Variants in PIK3R4 observed in about 807,000 individuals in gnomAD.
The protein encoded by PIK3R4 is phosphoinositide-3-kinase regulatory subunit 4.
A neutral mutation model predicts 136.5 loss-of-function variants in PIK3R4; 46 were observed. That is an observed-to-expected ratio of 0.34 (90% confidence interval 0.27 to 0.43). The LOEUF (loss-of-function observed/expected upper bound fraction) is 0.43. PIK3R4 is among the 20% of genes least tolerant of loss of function. The probability of loss-of-function intolerance (pLI) is 1.00; values close to 1 mark genes in which losing one functional copy is unlikely to be tolerated. For synonymous variants in PIK3R4, 557 were observed against 566.7 expected, an observed-to-expected ratio of 0.98 and a Z score of 0.24; for missense variants, 1,331 against 1,649.5, an observed-to-expected ratio of 0.81 and a Z score of 3.35.
At chr3:130,714,738 G>A (rs1042006142) in intron 9 of PIK3R4, among the ~76,000 whole-genome samples, 1 of 151,972 alleles carries the variant, frequency 6.6e-6, no homozygotes, top group Admixed American at 6.6e-5. Context: ...TGAGGATGAT[G>A]GCTTCCAGTT....
chr3:130,719,131 G>T (rs957356095), intron 7 of PIK3R4, among the ~76,000 whole-genome samples: 10 of 152,204 alleles, frequency 6.6e-5, no homozygotes, highest in African/African-American at 1.7e-4. Context: ...CTGAAAACAT[G>T]ATACCTATTC....
intron 14 of PIK3R4, among the ~76,000 whole-genome samples, chr3:130,689,438 A>T (rs2066504941): frequency 6.6e-6 from 1 of 152,234 alleles, no homozygotes; most frequent in Non-Finnish European, 1.5e-5. Flanking sequence ...ATAGGCTGGT[A>T]TTTGTTATTA....
At chr3:130,697,704 C>G (rs979251872) in intron 13 of PIK3R4, among the ~76,000 whole-genome samples, 4 of 152,190 alleles carry the variant, frequency 2.6e-5, no homozygotes, top group Non-Finnish European at 4.4e-5. Context: ...AGCCCATTGA[C>G]ACAGTCTTCT....
At chr3:130,731,751 G>T (rs564345480) in intron 4 of PIK3R4, among the ~76,000 whole-genome samples, 22 of 152,180 alleles carry the variant, frequency 1.4e-4, no homozygotes, top group Non-Finnish European at 2.5e-4. Flanking sequence ...AGAAACAAAT[G>T]TTGATTTTAA....
Position 130,718,548 on chromosome 3 carries a change from G to A in PIK3R4, c.1982-14C>T, listed in dbSNP as rs373142245. The A allele has an allele frequency of 6.2e-7, 1 of 1,612,364 alleles. No individual in the cohort carries two copies. Among genetic ancestry groups the A allele is most frequent in the Non-Finnish European group, 8.5e-7 (1 of 1,179,352 alleles). Reference sequence around the variant, plus strand: ...ACAGGAAGGGGGCTAAAGAGGAAAAGAAAAGGTAGGGATCAAATAAGTTAT... The same window carrying A: ...ACAGGAAGGGGGCTAAAGAGGAAAAAAAAAGGTAGGGATCAAATAAGTTAT... On this transcript the variant is annotated splice_polypyrimidine_tract_variant and intron_variant, in intron 7 of 19. Coordinates refer to ENST00000356763, the MANE Select transcript of PIK3R4 (RefSeq NM_014602.3).
At chr3:130,681,394 C>G (rs1434938411) in intron 17 of PIK3R4, 97 bp downstream of exon 17, 1 of 829,314 alleles carries the variant, frequency 1.2e-6, no homozygotes, top group Non-Finnish European at 2.0e-6. Flanking sequence ...TAAACATAAC[C>G]CAAAAGCCCA....
At chr3:130,712,796 G>GAA (rs2066639665) in intron 9 of PIK3R4, among the ~76,000 whole-genome samples, 1 of 152,190 alleles carries the variant, frequency 6.6e-6, no homozygotes, top group South Asian at 2.1e-4. Flanking sequence ...TGAAGGTAGA[G>GAA]AAAAGGCTTG....
At chr3:130,728,312 A>C in intron 6 of PIK3R4, 151 bp downstream of exon 6, 1 of 597,664 alleles carries the variant, frequency 1.7e-6, no homozygotes, top group Non-Finnish European at 2.9e-6. Flanking sequence ...CAAAATACTT[A>C]CATCATCCAA....
chr3:130,686,229 G>A lies in PIK3R4; in HGVS notation c.3457C>T (p.Gln1153Ter). The change falls in exon 15 of 20, where the codon CAA (glutamine) becomes TAA (stop). Residue 1153 changes from glutamine (Q) to a stop codon, truncating the protein, a stop_gained. Transcript: ENST00000356763. LOFTEE classifies it high-confidence loss of function. ...LITSFAVDIH[Q>*]CWLCIGTSSG... ...AGCTTACCAATGCAGAGCCAGCATTGGTGGATGTCCACAGCAAAGGAAGTG... is the reference window on the plus strand; with the variant it reads ...AGCTTACCAATGCAGAGCCAGCATTAGTGGATGTCCACAGCAAAGGAAGTG... The A allele has an allele frequency of 6.2e-7, 1 of 1,611,528 alleles. No homozygotes were observed. The highest frequency in any genetic ancestry group is 8.5e-7 in the Non-Finnish European group (1 of 1,177,886).
At chr3:130,683,163 C>T (rs1411347190) in intron 16 of PIK3R4, among the ~76,000 whole-genome samples, 3 of 152,096 alleles carry the variant, frequency 2.0e-5, no homozygotes. Context: ...TGAAAGAATA[C>T]CATAGGAAGA....
chr3:130,721,160 C>A (rs1336661484), intron 7 of PIK3R4, among the ~76,000 whole-genome samples: 1 of 150,430 alleles, frequency 6.6e-6, no homozygotes, highest in African/African-American at 2.4e-5. Context: ...ACGGTGAAAC[C>A]CCGTCTCTAC....
chr3:130,728,788 CAG>C lies in PIK3R4; in HGVS notation c.1586-106_1586-105del, dbSNP rs896428811. 6.8e-6 allele frequency: 5 copies of C among 736,142 alleles called. No individual in the cohort carries two copies. The South Asian group carries it at 7.0e-5, about 10-fold the overall frequency. The allele number at this position is 736,142 out of a possible 1,614,324, so 45.6% of individuals were successfully genotyped here. A position where few individuals can be genotyped will look rare whatever the true frequency, so the allele number is the denominator to read the frequency against. ...AGTCCCAGTCTTCTTTCTTACTCAT[CAG>C]AGAGACTGATTACAGAATCCACCGA... On this transcript the variant is annotated intron_variant, in intron 5 of 19. Transcript: ENST00000356763.
At chr3:130,733,456 C>A (rs563044176) in intron 4 of PIK3R4, 92 bp downstream of exon 4, 2 of 782,988 alleles carry the variant, frequency 2.6e-6, no homozygotes, top group South Asian at 1.8e-5. Context: ...TTCATACTTG[C>A]AATTCTCAAA....
chr3:130,731,505 C>T (rs2066760091), intron 4 of PIK3R4, among the ~76,000 whole-genome samples: 1 of 152,106 alleles, frequency 6.6e-6, no homozygotes, highest in Non-Finnish European at 1.5e-5. Flanking sequence ...CCTGCTCGCC[C>T]TAAAAATGGA....
intron 13 of PIK3R4, among the ~76,000 whole-genome samples, chr3:130,690,934 G>A (rs2066514789): frequency 7.8e-6 from 1 of 127,790 alleles, no homozygotes; most frequent in African/African-American, 3.2e-5. Context: ...GTCTCACTCT[G>A]TTGCCAGGCT....
At chr3:130,691,145 T>G (rs2066516165) in intron 13 of PIK3R4, among the ~76,000 whole-genome samples, 1 of 152,148 alleles carries the variant, frequency 6.6e-6, no homozygotes, top group Admixed American at 6.5e-5. Context: ...ACTCCCATAC[T>G]TGTGGTCCTG....
chr3:130,687,177 T>C (rs1355247173), intron 14 of PIK3R4, among the ~76,000 whole-genome samples: 2 of 152,088 alleles, frequency 1.3e-5, no homozygotes, highest in African/African-American at 4.8e-5. Context: ...ATATACCTTA[T>C]ACACCTAGCC....
intron 9 of PIK3R4, 111 bp from the exon 10 acceptor site, chr3:130,708,603 A>G: frequency 1.1e-6 from 1 of 933,242 alleles, no homozygotes; most frequent in South Asian, 1.7e-5. Context: ...AACTGAAAAG[A>G]GACAGAAGGG....
intron 10 of PIK3R4, 150 bp downstream of exon 10, chr3:130,708,141 A>G (rs1483118615): frequency 3.2e-6 from 2 of 629,926 alleles, no homozygotes. Context: ...TTCTTCCCCA[A>G]AATCTCCCTG....
Sources: gnomAD v4.1 joint callset for allele counts (sites outside exome capture counted in the v4.1 genomes callset) on GRCh38, gnomAD v4.1.1 for gene constraint, MANE v1.5 for transcripts, NCBI Gene and HGNC (gene_info 2026-07-23, HGNC 2026-07-21) for gene names.